The following ASH1L variants were observed in gnomAD, a reference collection of about 807,000 sequenced individuals.
ASH1L encodes the protein ASH1 like histone lysine methyltransferase.
A neutral mutation model predicts 269.0 loss-of-function variants in ASH1L; 23 were observed. The ratio of observed to expected loss-of-function variants is 0.09; its 90% CI spans 0.06 to 0.12. The LOEUF is 0.12. ASH1L is among the 10% of genes least tolerant of loss of function. ASH1L has a pLI of 1.00. For synonymous variants in ASH1L, 1,187 were observed against 1,253.5 expected, an observed-to-expected ratio of 0.95 and a Z score of 1.12; for missense variants, 2,912 against 3,567.8, an observed-to-expected ratio of 0.82 and a Z score of 4.68.
intron 1 of ASH1L, among the ~76,000 whole-genome samples, chr1:155,527,099 T>G (rs1669314723): frequency 6.6e-6 from 1 of 151,870 alleles, no homozygotes; most frequent in South Asian, 2.1e-4. Flanking sequence ...TCCCAGCTAC[T>G]CAGGAGGCTG....
chr1:155,508,972 C>T (rs1667990537), intron 2 of ASH1L, among the ~76,000 whole-genome samples: 2 of 152,062 alleles, frequency 1.3e-5, no homozygotes, highest in South Asian at 4.1e-4. Context: ...GTCAAAGCCT[C>T]TCAAAGTAGT....
chr1:155,438,851 A>T lies in ASH1L; in HGVS notation c.5304T>A (p.Pro1768=), dbSNP rs994705067. The change falls in exon 5 of 28, where the codon CCT becomes CCA. Residue 1768 remains proline (P), a synonymous_variant. Coordinates refer to ENST00000392403, the MANE Select transcript of ASH1L (RefSeq NM_018489.3). ...TATTGCAAGAGTCACTTGTGACTGC[A>T]GGCACTAAAAGGCTGTCTGGTTTTC... ...TLGKPDSLLV[P]AVTSDSCNNS... 1.9e-6 allele frequency: 3 copies of T among 1,614,088 alleles called. No homozygotes were observed. In the African/African-American group the frequency reaches 4.0e-5, roughly 22 times the overall value.
chr1:155,362,783 T>C (rs1208752226), intron 12 of ASH1L, among the ~76,000 whole-genome samples: 2 of 152,180 alleles, frequency 1.3e-5, no homozygotes, highest in East Asian at 1.9e-4. Flanking sequence ...TGTTTAGTTA[T>C]ATAGCAATTA....
intron 1 of ASH1L, among the ~76,000 whole-genome samples, chr1:155,536,989 G>C (rs1310252976): frequency 1.3e-5 from 2 of 150,662 alleles, no homozygotes; most frequent in East Asian, 3.9e-4. Flanking sequence ...GGCTTGCAGA[G>C]AGCCGAGGTC....
At chr1:155,402,144 T>TCAAACAAACAAA (rs34981891) in intron 6 of ASH1L, among the ~76,000 whole-genome samples, 2 of 151,418 alleles carry the variant, frequency 1.3e-5, no homozygotes, top group East Asian at 3.9e-4. Flanking sequence ...AGACTCCGTC[T>TCAAACAAACAAA]CAAACAAACA....
At position 155,489,508 on chromosome 1, in the gene ASH1L, C is replaced by T. The variant is rs1479403628; in HGVS notation, c.421-7059G>A. Among the ~76,000 whole-genome samples, 5 of 150,422 alleles carry T rather than the reference C, an allele frequency of 3.3e-5. No individual in the cohort carries two copies. In the East Asian group the frequency reaches 9.7e-4, roughly 29 times the overall value. On this transcript the variant is annotated intron_variant, in intron 2 of 27. Transcript: ENST00000392403. ...AAAAAGGGCTGGGCACGGTGGCTCA[C>T]ACCTGTAATCCCAGCACTTTGTGAG...
chr1:155,383,008 C>T (rs115372514), intron 7 of ASH1L, among the ~76,000 whole-genome samples: 1 of 152,180 alleles, frequency 6.6e-6, no homozygotes, highest in African/African-American at 2.4e-5. Flanking sequence ...CAGGCGTAAG[C>T]CGCCATGCCT....
chr1:155,404,466 G>A (rs1362443151), intron 6 of ASH1L, among the ~76,000 whole-genome samples: 1 of 152,122 alleles, frequency 6.6e-6, no homozygotes, highest in African/African-American at 2.4e-5. Context: ...TTGAGGCCAG[G>A]AGCTCAAGAC....
rs1391577287 is a variant in ASH1L at position 155,415,939 on chromosome 1, T to C, written c.5829-16A>G. The C allele has an allele frequency of 6.8e-7, 1 of 1,478,720 alleles. No individual in the cohort carries two copies. The highest frequency in any genetic ancestry group is 9.0e-7 in the Non-Finnish European group (1 of 1,113,248). The allele number at this position is 1,478,720 out of a possible 1,614,324, so 91.6% of individuals were successfully genotyped here. On this transcript the variant is annotated splice_polypyrimidine_tract_variant and intron_variant, in intron 5 of 27. Coordinates refer to ENST00000392403, the MANE Select transcript of ASH1L (RefSeq NM_018489.3). ...TTCATTAAAGCTAGAAAGAGAAGTT[T>C]AAAGATAATTTTATTATGAAAAAAA...
chr1:155,412,422 A>G (rs1659882349), intron 6 of ASH1L, among the ~76,000 whole-genome samples: 1 of 152,034 alleles, frequency 6.6e-6, no homozygotes, highest in Non-Finnish European at 1.5e-5. Context: ...AAAAACAAAC[A>G]AAACCACAAA....
intron 2 of ASH1L, among the ~76,000 whole-genome samples, chr1:155,493,447 A>G (rs548168308): frequency 2.0e-5 from 3 of 152,346 alleles, no homozygotes; most frequent in African/African-American, 7.2e-5. Flanking sequence ...TAAGTATTTC[A>G]TAGATTCTGC....
At chr1:155,398,505 A>G (rs550862309) in intron 6 of ASH1L, among the ~76,000 whole-genome samples, 1 of 152,326 alleles carries the variant, frequency 6.6e-6, no homozygotes, top group African/African-American at 2.4e-5. Context: ...TACGGTTGTA[A>G]AAGATAAAAA....
At chr1:155,345,081 C>A (rs1002991437) in intron 21 of ASH1L, among the ~76,000 whole-genome samples, 1 of 151,572 alleles carries the variant, frequency 6.6e-6, no homozygotes, top group Non-Finnish European at 1.5e-5. Context: ...CTTAGCCTCC[C>A]GAGTAGCTGG....
At position 155,349,731 on chromosome 1, in the gene ASH1L, T is replaced by G. The variant is rs964780684; in HGVS notation, c.7367-135A>C. The stretch of plus-strand genomic sequence containing the variant: ...AGTCTTTTTTTTTTTTTTTTTTTTT[T>G]TTTGAGACAGAGTCTCACTCTTGTC... On this transcript the variant is annotated intron_variant, in intron 17 of 27. Transcript: ENST00000392403. The G allele has an allele frequency of 2.5e-4, 214 of 871,758 alleles. 1 individual carries two copies. In the African/African-American group the frequency reaches 3.5e-3, roughly 14 times the overall value. The allele number at this position is 871,758 out of a possible 1,614,324, so 54.0% of individuals were successfully genotyped here.
At chr1:155,462,244 G>T (rs1664358770) in intron 3 of ASH1L, among the ~76,000 whole-genome samples, 1 of 152,284 alleles carries the variant, frequency 6.6e-6, no homozygotes, top group South Asian at 2.1e-4. Flanking sequence ...TGCCCTCAAG[G>T]AGCTTACTAA....
chr1:155,466,539 A>G (rs968615880), intron 3 of ASH1L, among the ~76,000 whole-genome samples: 1 of 152,176 alleles, frequency 6.6e-6, no homozygotes, highest in African/African-American at 2.4e-5. Flanking sequence ...CTTTATAGGC[A>G]TATCTTTTTT....
Position 155,415,772 on chromosome 1 carries a change from G to T in ASH1L, c.5980C>A (p.Leu1994Met). 1 of 1,614,028 alleles carries T rather than the reference G, an allele frequency of 6.2e-7. No homozygotes were observed. Among genetic ancestry groups the T allele is most frequent in the Non-Finnish European group, 8.5e-7 (1 of 1,180,004 alleles). The change falls in exon 6 of 28, where the codon CTG (leucine) becomes ATG (methionine). Residue 1994 changes from leucine to methionine, a missense_variant. By Grantham distance (15) the Leu-to-Met change is conservative. Transcript: ENST00000392403. ...PPKKKYQKAG[L>M]YSDVYKTTDP... The stretch of plus-strand genomic sequence containing the variant: ...GTAGTTTTGTAAACGTCAGAATACA[G>T]CCCTGCTTTCTGATACTTCTTCTTT...
At chr1:155,503,151 G>C (rs986395701) in intron 2 of ASH1L, among the ~76,000 whole-genome samples, 3 of 152,190 alleles carry the variant, frequency 2.0e-5, no homozygotes, top group Non-Finnish European at 4.4e-5. Flanking sequence ...AAAAAGTGAG[G>C]CTGAGAAGCA....
intron 2 of ASH1L, among the ~76,000 whole-genome samples, chr1:155,505,476 T>C (rs542928959): frequency 6.6e-6 from 1 of 152,312 alleles, no homozygotes; most frequent in Admixed American, 6.5e-5. Context: ...CTAGAGACTA[T>C]GGGCAAAGTT....
Sources: gnomAD v4.1 joint callset for allele counts (sites outside exome capture counted in the v4.1 genomes callset) on GRCh38, gnomAD v4.1.1 for gene constraint, MANE v1.5 for transcripts, NCBI Gene and HGNC (gene_info 2026-07-23, HGNC 2026-07-21) for gene names.